Variants in CPA6 observed in about 807,000 individuals in gnomAD.
The protein encoded by CPA6 is carboxypeptidase B.
A neutral mutation model predicts 63.3 loss-of-function variants in CPA6; 58 were observed. The ratio of observed to expected loss-of-function variants is 0.92; its 90% CI spans 0.74 to 1.14. The LOEUF is 1.14. Ranked by LOEUF, CPA6 falls within the 50% of genes most tolerant of loss-of-function variation. CPA6 has a pLI of 0.00. For missense variants in CPA6, 565 were observed against 526.6 expected (o/e 1.07, Z -0.71); for synonymous variants, 185 against 179.0 (o/e 1.03, Z -0.27).
chr8:67,684,055 A>ATT (rs933599992), intron 1 of CPA6, among the ~76,000 whole-genome samples: 2 of 127,620 alleles, frequency 1.6e-5, no homozygotes, highest in East Asian at 2.3e-4. Flanking sequence ...TTATTTATTT[A>ATT]TTTTTTTTTT....
intron 2 of CPA6, among the ~76,000 whole-genome samples, chr8:67,566,760 C>T (rs1455352306): frequency 6.6e-6 from 1 of 152,218 alleles, no homozygotes; most frequent in Non-Finnish European, 1.5e-5. Context: ...GCCCAGAGAG[C>T]AGGAGCTGCT....
intron 6 of CPA6, among the ~76,000 whole-genome samples, chr8:67,504,492 T>A (rs1381869217): frequency 6.6e-6 from 1 of 152,180 alleles, no homozygotes; most frequent in Non-Finnish European, 1.5e-5. Flanking sequence ...TCTTGCTTTC[T>A]CTCTCACCTG....
At chr8:67,496,553 ATATATT>A (rs1563976194) in intron 6 of CPA6, among the ~76,000 whole-genome samples, 2 of 120,436 alleles carry the variant, frequency 1.7e-5, no homozygotes, top group Non-Finnish European at 3.4e-5. Flanking sequence ...ATATATATAT[ATATATT>A]TATTTTATTT....
At chr8:67,426,531 A>G (rs1211102118) in intron 10 of CPA6, among the ~76,000 whole-genome samples, 1 of 152,242 alleles carries the variant, frequency 6.6e-6, no homozygotes, top group Non-Finnish European at 1.5e-5. Context: ...GAAAAAATAA[A>G]CAAAACTATT....
intron 1 of CPA6, among the ~76,000 whole-genome samples, chr8:67,737,101 T>C (rs983340865): frequency 5.9e-5 from 9 of 152,204 alleles, no homozygotes; most frequent in African/African-American, 9.6e-5. Context: ...TCAACTAAAT[T>C]CCCTGCTTAA....
At chr8:67,660,468 T>G (rs1428432119) in intron 1 of CPA6, among the ~76,000 whole-genome samples, 1 of 149,362 alleles carries the variant, frequency 6.7e-6, no homozygotes, top group African/African-American at 2.5e-5. Flanking sequence ...TAGCTGAGAC[T>G]GCAGGCACAC....
intron 2 of CPA6, among the ~76,000 whole-genome samples, chr8:67,526,529 T>C (rs1180223186): frequency 1.3e-5 from 2 of 151,994 alleles, no homozygotes; most frequent in African/African-American, 4.8e-5. Context: ...GGCTACCTCC[T>C]AGGAGTACCA....
chr8:67,739,261 C>T (rs1191082175), intron 1 of CPA6, among the ~76,000 whole-genome samples: 1 of 152,168 alleles, frequency 6.6e-6, no homozygotes, highest in Non-Finnish European at 1.5e-5. Flanking sequence ...AAGCAGGAGG[C>T]CCCAACACAC....
intron 2 of CPA6, among the ~76,000 whole-genome samples, chr8:67,548,617 A>G (rs4737239): frequency 0.54 from 82,762 of 152,136 alleles, 26,120 homozygotes; most frequent in East Asian, 0.73. Flanking sequence ...ATGAGATGAT[A>G]TGTGATTAAA....
intron 10 of CPA6, among the ~76,000 whole-genome samples, chr8:67,423,750 A>G (rs911683199): frequency 6.6e-6 from 1 of 152,148 alleles, no homozygotes; most frequent in South Asian, 2.1e-4. Context: ...CTAGTTCTCT[A>G]CTTACTGAAA....
chr8:67,428,785 G>A (rs988053428), intron 9 of CPA6, among the ~76,000 whole-genome samples: 2 of 152,078 alleles, frequency 1.3e-5, no homozygotes, highest in African/African-American at 2.4e-5. Context: ...ACCCGGCCAG[G>A]GATACCTATT....
intron 2 of CPA6, among the ~76,000 whole-genome samples, chr8:67,613,303 A>G (rs182122223): frequency 6.6e-6 from 1 of 152,214 alleles, no homozygotes; most frequent in African/African-American, 2.4e-5. Flanking sequence ...TGTTTGTATT[A>G]TAATTATAGG....
intron 2 of CPA6, among the ~76,000 whole-genome samples, chr8:67,622,153 A>G (rs1815097570): frequency 6.6e-6 from 1 of 152,236 alleles, no homozygotes; most frequent in African/African-American, 2.4e-5. Flanking sequence ...TTTGAGAAAT[A>G]TTTTGCTCCA....
intron 2 of CPA6, among the ~76,000 whole-genome samples, chr8:67,521,812 G>A (rs1417605453): frequency 6.6e-6 from 1 of 152,212 alleles, no homozygotes; most frequent in Non-Finnish European, 1.5e-5. Context: ...AGCCACTATA[G>A]TGGTGATGAA....
At chr8:67,673,477 G>A (rs112317779) in intron 1 of CPA6, among the ~76,000 whole-genome samples, 2 of 150,254 alleles carry the variant, frequency 1.3e-5, no homozygotes, top group African/African-American at 2.4e-5. Context: ...TCCGCCTCCC[G>A]GGTTCATGCC....
intron 6 of CPA6, among the ~76,000 whole-genome samples, chr8:67,496,559 T>TA (rs1811722289): frequency 4.3e-4 from 45 of 105,210 alleles, no homozygotes; most frequent in African/African-American, 1.8e-3. Context: ...ATATATATAT[T>TA]TATTTTATTT....
intron 8 of CPA6, among the ~76,000 whole-genome samples, chr8:67,476,520 C>G (rs767329864): frequency 6.6e-6 from 1 of 150,492 alleles, no homozygotes; most frequent in African/African-American, 2.4e-5. Flanking sequence ...CTACTTCCTT[C>G]TTACCATACA....
rs568672860 is a variant in CPA6, at chr8:67,461,556, C to T, written c.838+22212G>A. On this transcript the variant is annotated intron_variant, in intron 8 of 10. Coordinates refer to ENST00000297770, the MANE Select transcript of CPA6 (RefSeq NM_020361.5). ...CAAAACCGCCATTGTCATCCCGGCC[C>T]GTTCTCAATGAGCTGTTGGGTACAC... Among the ~76,000 whole-genome samples, 650 of 152,384 alleles carry T rather than the reference C, an allele frequency of 4.3e-3. 5 individuals are homozygous for T. The highest frequency in any genetic ancestry group is 0.015 in the African/African-American group (614 of 41,596).
chr8:67,543,255 A>C (rs942349160), intron 2 of CPA6, among the ~76,000 whole-genome samples: 2 of 152,224 alleles, frequency 1.3e-5, no homozygotes, highest in East Asian at 3.8e-4. Flanking sequence ...ATGCTATTTC[A>C]AGTCACTTAT....
Sources: allele counts gnomAD v4.1 joint callset (sites outside exome capture counted in the v4.1 genomes callset), GRCh38; gene constraint gnomAD v4.1.1; transcripts MANE v1.5; gene names NCBI Gene and HGNC (gene_info 2026-07-23, HGNC 2026-07-21).